GGT1: variants seen among roughly 807,000 people sequenced by gnomAD.
GGT1 encodes gamma-glutamyltransferase 1.
A neutral mutation model predicts 56.0 loss-of-function variants in GGT1; 21 were observed. The observed-to-expected ratio is 0.38, with a 90% CI of 0.27 to 0.54. The LOEUF is 0.54. Among genes scored for constraint, GGT1 ranks in the 20% least tolerant of loss-of-function variants. The pLI, the probability that GGT1 is intolerant of heterozygous loss-of-function variation, is 0.82. For synonymous variants in GGT1, 238 were observed against 342.6 expected (o/e 0.69, Z 3.37); for missense variants, 466 against 787.0 (o/e 0.59, Z 4.88).
chr22:24,604,031 C>T (rs1056170983), intron 1 of GGT1, among the ~76,000 whole-genome samples: 24 of 152,024 alleles, frequency 1.6e-4, no homozygotes, highest in African/African-American at 5.8e-4. Flanking sequence ...TTCTGATTCT[C>T]GGCTCTGTGC....
chr22:24,608,239 T>G (rs2001180), intron 2 of GGT1, among the ~76,000 whole-genome samples: 67,342 of 152,024 alleles, frequency 0.44, 16,146 homozygotes, highest in African/African-American at 0.63. Flanking sequence ...CTTCCTCCGA[T>G]CCGGGGACAT....
At chr22:24,589,126 C>T in the GGT1 span, 5 of 1,127,292 alleles carry the variant, frequency 4.4e-6, no homozygotes, top group Non-Finnish European at 4.4e-6. Flanking sequence ...GGGCCCAGAG[C>T]GGATACCCTG....
At position 24,627,545 on chromosome 22, in the gene GGT1, C is replaced by T. The variant is rs778187624; in HGVS notation, c.1134C>T (p.Asp378=). ...YYKPEFYTPD[D]GGTAHLSVVA... is the part of the protein sequence containing the mutation. ...AGCCCGAGTTCTACACGCCGGATGA[C>T]GGGGGCACTGCTCACCTGTCTGTCG... The change falls in exon 12 of 16, where the codon GAC becomes GAT. Residue 378 remains aspartate (D), a synonymous_variant. Coordinates refer to ENST00000400382, the MANE Select transcript of GGT1 (RefSeq NM_001288833.2). The T allele has an allele frequency of 3.2e-4, 516 of 1,608,372 alleles. No individual in the cohort carries two copies. The highest frequency in any genetic ancestry group is 6.3e-4 in the South Asian group (57 of 90,854).
In GGT1 at chr22:24,626,886, C is replaced by T. The variant is rs369873613; in HGVS notation, c.1021-546C>T. The stretch of plus-strand genomic sequence containing the variant: ...CCCACCCCACTCCATTCACTCTCTG[C>T]CTATCACTCACCAGCCTATACCACC... On this transcript the variant is annotated intron_variant, in intron 11 of 15. Transcript: ENST00000400382. Among the ~76,000 whole-genome samples, 43 of 150,158 alleles carry T rather than the reference C, an allele frequency of 2.9e-4. No homozygotes were observed. In the East Asian group the frequency reaches 8.0e-3, roughly 28 times the overall value.
At chr22:24,596,986 AT>A (rs199837761) in intron 1 of GGT1, among the ~76,000 whole-genome samples, 44,610 of 129,626 alleles carry the variant, frequency 0.34, 7,300 homozygotes, top group Middle Eastern at 0.47. Flanking sequence ...TTTAATTTTA[AT>A]TTTTTTTTTT....
At chr22:24,607,428 G>C (rs989361045) in intron 1 of GGT1, among the ~76,000 whole-genome samples, 1 of 152,222 alleles carries the variant, frequency 6.6e-6, no homozygotes, top group African/African-American at 2.4e-5. Flanking sequence ...CTCACTGGAG[G>C]GGCTCGTGGG....
rs2047367296 is a variant in GGT1, at chr22:24,620,759, G to T, written c.576-154G>T. On this transcript the variant is annotated intron_variant, in intron 8 of 15. Coordinates refer to ENST00000400382, the MANE Select transcript of GGT1 (RefSeq NM_001288833.2). This position sits in a 1 kb window ranked among gnomAD's most constrained non-coding sequence, Gnocchi z 5.6. ...AGGGACACTAGGAAGCTCCCGGAAG[G>T]GACACTAGGAAGACGAGCGCTGAGT... The T allele has an allele frequency of 1.4e-6, 2 of 1,458,352 alleles. No individual in the cohort carries two copies. The highest frequency in any genetic ancestry group is 1.4e-5 in the African/African-American group (1 of 70,048). The allele number at this position is 1,458,352 out of a possible 1,614,324, so 90.3% of individuals were successfully genotyped here.
the GGT1 span, chr22:24,586,542 A>G: frequency 9.7e-7 from 1 of 1,033,652 alleles, no homozygotes. Flanking sequence ...TGTCTTTCGT[A>G]TTTTTTGAGA....
upstream of GGT1, among the ~76,000 whole-genome samples, chr22:24,598,368 G>A (rs6004194): frequency 0.48 from 71,653 of 150,156 alleles, 19,043 homozygotes; most frequent in African/African-American, 0.72. Flanking sequence ...TGAACCCGAG[G>A]GGTGCAAGTT....
chr22:24,593,520 G>T (rs2045633567), upstream of GGT1, among the ~76,000 whole-genome samples: 1 of 152,222 alleles, frequency 6.6e-6, no homozygotes. Context: ...GGGCATGGTG[G>T]CTCACGCCTG....
At chr22:24,596,224 A>G (rs1020250419) in intron 1 of GGT1, among the ~76,000 whole-genome samples, 2 of 152,224 alleles carry the variant, frequency 1.3e-5, no homozygotes, top group Non-Finnish European at 2.9e-5. Context: ...AGGACCTGCC[A>G]TAGCAAATTA....
At chr22:24,585,434 T>A in the GGT1 span, among the ~76,000 whole-genome samples, 1 of 152,166 alleles carries the variant, frequency 6.6e-6, no homozygotes, top group African/African-American at 2.4e-5. Flanking sequence ...GGAGGCCTCC[T>A]CTAACTCTCC....
At chr22:24,625,527 A>G (rs2047693502) in intron 11 of GGT1, among the ~76,000 whole-genome samples, 1 of 150,852 alleles carries the variant, frequency 6.6e-6, no homozygotes, top group African/African-American at 2.4e-5. Context: ...CAGCCTCCCA[A>G]AGCGCTGGGA....
chr22:24,613,665 A>G (rs9612673), intron 5 of GGT1, among the ~76,000 whole-genome samples: 7 of 151,734 alleles, frequency 4.6e-5, no homozygotes, highest in Non-Finnish European at 8.8e-5. Flanking sequence ...CAGGGGAATC[A>G]CTTGAACCCA....
the GGT1 span, among the ~76,000 whole-genome samples, chr22:24,586,727 C>A: frequency 1.3e-5 from 2 of 152,176 alleles, no homozygotes; most frequent in East Asian, 3.9e-4. Flanking sequence ...GGCGGGGTTT[C>A]TCCATCTTTG....
Position 24,611,102 on chromosome 22 carries a change from G to A in GGT1, c.21G>A (p.Val7=), listed in dbSNP as rs1316967683. 6.2e-6 allele frequency: 10 copies of A among 1,603,094 alleles called. No homozygotes were observed. The highest frequency in any genetic ancestry group is 1.1e-5 in the South Asian group (1 of 89,348). The change falls in exon 5 of 16, where the codon GTG becomes GTA. Residue 7 remains valine, a synonymous_variant. Coordinates refer to ENST00000400382, the MANE Select transcript of GGT1 (RefSeq NM_001288833.2). ...GAGCCATGAAGAAGAAGTTAGTGGT[G>A]CTGGGCCTGCTGGCCGTGGTCCTGG... MKKKLV[V]LGLLAVVLVL...
chr22:24,627,474 C>T lies in GGT1; in HGVS notation c.1063C>T (p.Arg355Trp), dbSNP rs200419006. ...CTCCGAGTTCTTCGCTGCCCAGCTC[C>T]GGGCCCAGATCTCTGACGACACCAC... ...MTSEFFAAQLRAQISDDTTHP... is the reference protein window; with the variant it reads ...MTSEFFAAQLWAQISDDTTHP... Residue 355 changes from arginine (R) to tryptophan (W), a missense_variant, in exon 12 of 16, where the codon CGG becomes TGG. Coordinates refer to ENST00000400382, the MANE Select transcript of GGT1 (RefSeq NM_001288833.2). 1.9e-5 allele frequency: 30 copies of T among 1,611,096 alleles called. No homozygotes were observed. The highest frequency in any genetic ancestry group is 4.5e-4 in the Middle Eastern group (2 of 4,452).
At position 24,628,559 on chromosome 22, in the gene GGT1, G is replaced by C; in HGVS notation, c.1564-134G>C. Reference sequence around the variant, plus strand: ...AAGCCCCCTGCTCCAGTGAGACCCAGCAGGCCCCAACCTGCTCTTCCTGAT... The same window carrying C: ...AAGCCCCCTGCTCCAGTGAGACCCACCAGGCCCCAACCTGCTCTTCCTGAT... On this transcript the variant is annotated intron_variant, in intron 15 of 15. Coordinates refer to ENST00000400382, the MANE Select transcript of GGT1 (RefSeq NM_001288833.2). This position sits in a 1 kb window ranked among gnomAD's most constrained non-coding sequence, Gnocchi z 5.7. 1.2e-6 allele frequency: 1 copy of C among 840,554 alleles called. No homozygotes were observed. The highest frequency in any genetic ancestry group is 1.7e-5 in the South Asian group (1 of 57,176). The allele number at this position is 840,554 out of a possible 1,614,324, so 52.1% of individuals were successfully genotyped here.
At chr22:24,619,227 G>A (rs954898271) in intron 7 of GGT1, among the ~76,000 whole-genome samples, 15 of 152,136 alleles carry the variant, frequency 9.9e-5, no homozygotes, top group African/African-American at 3.4e-4. Context: ...GTGAAACCCC[G>A]TCTCTACTAA....
Sources: allele counts gnomAD v4.1 joint callset (sites outside exome capture counted in the v4.1 genomes callset), GRCh38; gene constraint gnomAD v4.1.1; non-coding constraint Gnocchi (gnomAD v3.1); transcripts MANE v1.5; gene names NCBI Gene and HGNC (gene_info 2026-07-23, HGNC 2026-07-21).